The following PARD3B variants were observed in gnomAD, a reference collection of about 807,000 sequenced individuals.
PARD3B encodes partitioning defective 3 homolog B.
A neutral mutation model predicts 130.2 loss-of-function variants in PARD3B; 103 were observed. The observed-to-expected ratio is 0.79, with a 90% confidence interval of 0.67 to 0.93. PARD3B has a LOEUF of 0.93. PARD3B is among the 40% of genes least tolerant of loss of function. PARD3B has a pLI of 0.00. For missense variants in PARD3B, 1,609 were observed against 1,499.2 expected (o/e 1.07, Z -1.21); for synonymous variants, 583 against 553.2 (o/e 1.05, Z -0.76).
chr2:204,812,020 G>C (rs1575046125), intron 2 of PARD3B, among the ~76,000 whole-genome samples: 1 of 152,016 alleles, frequency 6.6e-6, no homozygotes, highest in Admixed American at 6.6e-5. Flanking sequence ...GTTTCTGTGA[G>C]ATTTTTAATA....
intron 4 of PARD3B, among the ~76,000 whole-genome samples, chr2:205,074,500 A>G (rs897926212): frequency 7.2e-5 from 11 of 152,324 alleles, no homozygotes; most frequent in African/African-American, 1.9e-4. Flanking sequence ...TTCAGAATGA[A>G]CAACAACTTA....
At chr2:205,423,137 A>G (rs946451050) in intron 19 of PARD3B, among the ~76,000 whole-genome samples, 4 of 152,184 alleles carry the variant, frequency 2.6e-5, no homozygotes, top group Admixed American at 2.6e-4. Flanking sequence ...CCATAGACAC[A>G]GCAGACATCA....
intron 2 of PARD3B, among the ~76,000 whole-genome samples, chr2:204,840,988 G>T (rs1255828457): frequency 6.6e-6 from 1 of 152,068 alleles, no homozygotes; most frequent in East Asian, 1.9e-4. Context: ...ATCCCCTGTG[G>T]GTAAGGGAAG....
chr2:205,532,728 C>T (rs781495202), intron 21 of PARD3B, among the ~76,000 whole-genome samples: 4 of 152,138 alleles, frequency 2.6e-5, no homozygotes, highest in Middle Eastern at 3.2e-3. Context: ...CCTTAAACTT[C>T]GCTAAGTTAG....
intron 19 of PARD3B, among the ~76,000 whole-genome samples, chr2:205,426,035 A>G (rs1353262452): frequency 6.6e-6 from 1 of 152,200 alleles, no homozygotes; most frequent in Non-Finnish European, 1.5e-5. Flanking sequence ...AAATTATCCC[A>G]TCAATCTAGT....
At chr2:204,702,933 A>G (rs2037963515) in intron 2 of PARD3B, among the ~76,000 whole-genome samples, 1 of 152,178 alleles carries the variant, frequency 6.6e-6, no homozygotes, top group Non-Finnish European at 1.5e-5. Context: ...GCACTTTTAA[A>G]TGTGAAAACT....
rs1177735598 is a variant in PARD3B at position 205,530,188 on chromosome 2, C to A, written c.3181-23136C>A. ...CAGCTGCAACTCGTGAAATAGTAAA[C>A]CAAAAGTTCTCTCCGCCACATTTAT... On this transcript the variant is annotated intron_variant, in intron 21 of 22. Coordinates refer to ENST00000406610, the MANE Select transcript of PARD3B (RefSeq NM_001302769.2). The surrounding 1 kb of genome is among the most constrained non-coding windows in gnomAD (Gnocchi z 4.7). Among the ~76,000 whole-genome samples, 1 of 152,136 alleles carries A rather than the reference C, an allele frequency of 6.6e-6. No individual in the cohort carries two copies. The highest frequency in any genetic ancestry group is 2.4e-5 in the African/African-American group (1 of 41,412).
intron 16 of PARD3B, among the ~76,000 whole-genome samples, chr2:205,249,668 G>A (rs1402077412): frequency 6.6e-6 from 1 of 152,076 alleles, no homozygotes; most frequent in East Asian, 1.9e-4. Flanking sequence ...CCCCAAAAGG[G>A]CATTGTATCT....
At chr2:205,157,088 A>G (rs2034218470) in intron 10 of PARD3B, among the ~76,000 whole-genome samples, 1 of 152,222 alleles carries the variant, frequency 6.6e-6, no homozygotes, top group East Asian at 1.9e-4. Flanking sequence ...AATGGTGTTC[A>G]CAAACTTACA....
In PARD3B at chr2:204,691,278, T is replaced by C. The variant is rs139259309; in HGVS notation, c.222+4996T>C. Among the ~76,000 whole-genome samples the C allele has an allele frequency of 1.2e-3, 189 of 152,234 alleles. 1 individual carries two copies. The highest frequency in any genetic ancestry group is 4.4e-3 in the African/African-American group (184 of 41,548). On this transcript the variant is annotated intron_variant, in intron 2 of 22. Transcript: ENST00000406610. ...AAAACATGGCAGTCTATCACATCTA[T>C]TATATAAAGTCAATTACTGCCATGG...
intron 4 of PARD3B, among the ~76,000 whole-genome samples, chr2:205,100,250 A>G (rs1702674399): frequency 6.6e-6 from 1 of 152,198 alleles, no homozygotes; most frequent in African/African-American, 2.4e-5. Flanking sequence ...CAATAATGAT[A>G]TAAAACTTTA....
intron 19 of PARD3B, among the ~76,000 whole-genome samples, chr2:205,411,942 G>C (rs1433565871): frequency 2.6e-5 from 4 of 152,106 alleles, no homozygotes; most frequent in Non-Finnish European, 5.9e-5. Context: ...AGTCCACAGG[G>C]CGTGTGACTG....
chr2:204,637,474 A>T (rs1223184048), intron 1 of PARD3B, among the ~76,000 whole-genome samples: 1 of 152,268 alleles, frequency 6.6e-6, no homozygotes, highest in African/African-American at 2.4e-5. Context: ...TCTGAGATAG[A>T]TGTATAACAT....
At position 204,627,763 on chromosome 2, in the gene PARD3B, C is replaced by T. The variant is rs551196940; in HGVS notation, c.121-58418C>T. Among the ~76,000 whole-genome samples the T allele has an allele frequency of 2.0e-5, 3 of 152,030 alleles. No homozygotes were observed. The East Asian group carries it at 5.8e-4, about 29-fold the overall frequency. Reference sequence around the variant, plus strand: ...GAACCTGGAATTCAAGGCTTTTAATCCCAGAAAAAGACTTTAAGATTGTGA... The same window carrying T: ...GAACCTGGAATTCAAGGCTTTTAATTCCAGAAAAAGACTTTAAGATTGTGA... On this transcript the variant is annotated intron_variant, in intron 1 of 22. Coordinates refer to ENST00000406610, the MANE Select transcript of PARD3B (RefSeq NM_001302769.2).
intron 18 of PARD3B, among the ~76,000 whole-genome samples, chr2:205,346,654 T>C (rs1291386730): frequency 6.6e-6 from 1 of 152,198 alleles, no homozygotes; most frequent in Non-Finnish European, 1.5e-5. Context: ...GTCACCTTTT[T>C]ATAAGAAGCT....
chr2:204,688,473 A>C (rs1046973640), intron 2 of PARD3B, among the ~76,000 whole-genome samples: 3 of 151,448 alleles, frequency 2.0e-5, no homozygotes, highest in African/African-American at 7.3e-5. Context: ...CCAGCTACTC[A>C]GGAGGCTGAG....
chr2:204,985,580 G>C (rs1693060855), intron 3 of PARD3B, among the ~76,000 whole-genome samples: 1 of 152,174 alleles, frequency 6.6e-6, no homozygotes, highest in South Asian at 2.1e-4. Flanking sequence ...AATGGACAGA[G>C]GGTCTTACTG....
chr2:204,625,683 G>A (rs2034463118), intron 1 of PARD3B, among the ~76,000 whole-genome samples: 1 of 152,118 alleles, frequency 6.6e-6, no homozygotes, highest in South Asian at 2.1e-4. Context: ...GCCTTGAAAT[G>A]ACATTTCCAA....
chr2:205,538,545 T>C (rs1314205455), intron 21 of PARD3B, among the ~76,000 whole-genome samples: 1 of 152,208 alleles, frequency 6.6e-6, no homozygotes, highest in Non-Finnish European at 1.5e-5. Flanking sequence ...TCATCTTGTA[T>C]ACATATAGTG....
Sources: gnomAD v4.1 joint callset for allele counts (sites outside exome capture counted in the v4.1 genomes callset) on GRCh38, gnomAD v4.1.1 for gene constraint, Gnocchi (gnomAD v3.1) non-coding constraint, MANE v1.5 for transcripts, NCBI Gene and HGNC (gene_info 2026-07-23, HGNC 2026-07-21) for gene names.